RGS22: variants seen among roughly 807,000 people sequenced by gnomAD.
RGS22 encodes regulator of G protein signaling 22, also known as regulator of G-protein signaling 22.
RGS22 carries 148 observed loss-of-function variants against 172.9 expected under a neutral mutation model. That is an observed-to-expected ratio of 0.86 (90% CI 0.75 to 0.98). The LOEUF is 0.98. Among genes scored for constraint, RGS22 ranks in the 50% least tolerant of loss-of-function variants. The probability of loss-of-function intolerance (pLI) is 0.00; values close to 1 mark genes in which losing one functional copy is unlikely to be tolerated. For synonymous variants in RGS22, 458 were observed against 480.2 expected (o/e 0.95, Z 0.60); for missense variants, 1,347 against 1,440.8 (o/e 0.93, Z 1.05).
At chr8:100,091,053 C>T (rs1386327524) in intron 3 of RGS22, among the ~76,000 whole-genome samples, 1 of 152,128 alleles carries the variant, frequency 6.6e-6, no homozygotes, top group Non-Finnish European at 1.5e-5. Flanking sequence ...CATACTTACT[C>T]TCAGTAAACC....
At chr8:100,041,369 T>C (rs1820092030) in intron 12 of RGS22, among the ~76,000 whole-genome samples, 1 of 151,914 alleles carries the variant, frequency 6.6e-6, no homozygotes, top group South Asian at 2.1e-4. Context: ...TGTGCGCCTG[T>C]AGTCCCAGCT....
At position 100,063,624 on chromosome 8, in the gene RGS22, G is replaced by A; in HGVS notation, c.1144C>T (p.Gln382Ter). 1 of 1,614,038 alleles carries A rather than the reference G, an allele frequency of 6.2e-7. No homozygotes were observed. Among genetic ancestry groups the A allele is most frequent in the Non-Finnish European group, 8.5e-7 (1 of 1,179,994 alleles). ...TCATTCTTTGAACTTAAACTTGTTT[G>A]TTCTATCTCTTCTGACCTCTCCTTT... ...TTKERSEEIE[Q>*]TSLSSKNESA... is the part of the protein sequence containing the mutation. Residue 382 changes from glutamine (Q) to a stop codon, truncating the protein, a stop_gained, in exon 8 of 28, where the codon CAA becomes TAA. Coordinates refer to ENST00000360863, the MANE Select transcript of RGS22 (RefSeq NM_015668.5). LOFTEE classifies it high-confidence loss of function.
In RGS22 at chr8:100,021,072, G is replaced by A. The variant is rs551175945; in HGVS notation, c.2167-12503C>T. On this transcript the variant is annotated intron_variant, in intron 14 of 27. Coordinates refer to ENST00000360863, the MANE Select transcript of RGS22 (RefSeq NM_015668.5). ...TTTCTCATCATAGCACTGATTATAA[G>A]GCAAATATACTTCTCTTCCTATCAT... is the stretch of plus-strand genomic sequence containing the variant. 3.4e-4 allele frequency among the ~76,000 whole-genome samples: 52 copies of A among 152,244 alleles called. No individual in the cohort carries two copies. The South Asian group carries it at 0.01, about 30-fold the overall frequency.
At position 100,101,318 on chromosome 8, in the gene RGS22, G is replaced by A. The variant is rs185968606; in HGVS notation, c.54+4056C>T. 3.2e-3 allele frequency among the ~76,000 whole-genome samples: 478 copies of A among 147,964 alleles called. 2 individuals carry two copies. The highest frequency in any genetic ancestry group is 0.011 in the African/African-American group (450 of 40,052). On this transcript the variant is annotated intron_variant, in intron 2 of 27. Coordinates refer to ENST00000360863, the MANE Select transcript of RGS22 (RefSeq NM_015668.5). The stretch of plus-strand genomic sequence containing the variant: ...TTTTTTTTTTTTGAGATGGAGTCTC[G>A]CTCTGTTGCCCAGGCTGGAGTGTGG...
At chr8:100,019,886 T>C (rs974765984) in intron 14 of RGS22, among the ~76,000 whole-genome samples, 1 of 151,420 alleles carries the variant, frequency 6.6e-6, no homozygotes, top group Non-Finnish European at 1.5e-5. Flanking sequence ...GCAAAAAAAG[T>C]ACTTTTTTTT....
At chr8:100,101,443 A>AT (rs57644659) in intron 2 of RGS22, among the ~76,000 whole-genome samples, 1,192 of 116,704 alleles carry the variant, frequency 0.01, 12 homozygotes, top group African/African-American at 0.024. Flanking sequence ...TGCCCAGCTA[A>AT]TTTTTTTTTT....
At chr8:100,083,830 C>CTTTTTT (rs59603032) in intron 3 of RGS22, among the ~76,000 whole-genome samples, 494 of 125,584 alleles carry the variant, frequency 3.9e-3, no homozygotes, top group African/African-American at 0.01. Context: ...AATTTCTTTT[C>CTTTTTT]TTTTTTTTTT....
intron 9 of RGS22, among the ~76,000 whole-genome samples, chr8:100,056,783 CG>C (rs1264924413): frequency 6.6e-6 from 1 of 152,154 alleles, no homozygotes; most frequent in Non-Finnish European, 1.5e-5. Flanking sequence ...GCTGCAGGGG[CG>C]GGGCACTCAT....
At position 100,008,580 on chromosome 8, in the gene RGS22, A is replaced by G; in HGVS notation, c.2167-11T>C. On this transcript the variant is annotated splice_polypyrimidine_tract_variant and intron_variant, in intron 14 of 27. Transcript: ENST00000360863. ...TGTGGCAAAAAGATACTGAAGGAGA[A>G]GAGGGAAGAAGGGAGAAGATGTTAA... 6.3e-7 allele frequency: 1 copy of G among 1,596,630 alleles called. No homozygotes were observed. Among genetic ancestry groups the G allele is most frequent in the Non-Finnish European group, 8.5e-7 (1 of 1,171,304 alleles).
At chr8:99,968,905 A>G (rs1387419239) in intron 23 of RGS22, among the ~76,000 whole-genome samples, 1 of 152,140 alleles carries the variant, frequency 6.6e-6, no homozygotes, top group African/African-American at 2.4e-5. Flanking sequence ...CCTCGAGAAG[A>G]GCAACCCCAA....
intron 23 of RGS22, among the ~76,000 whole-genome samples, chr8:99,977,675 G>A (rs772427044): frequency 1.9e-4 from 29 of 152,062 alleles, no homozygotes; most frequent in Admixed American, 5.9e-4. Flanking sequence ...TTATTGCAGC[G>A]GATGCAAGCT....
At chr8:100,063,010 T>C (rs1224090468) in intron 8 of RGS22, among the ~76,000 whole-genome samples, 1 of 152,196 alleles carries the variant, frequency 6.6e-6, no homozygotes, top group Non-Finnish European at 1.5e-5. Flanking sequence ...ACCAAGGTTA[T>C]GGAATTTGTT....
chr8:100,006,057 AG>A lies in RGS22; in HGVS notation c.2413del (p.Leu805TyrfsTer87), dbSNP rs1265615760. 6.2e-7 allele frequency: 1 copy of A among 1,613,568 alleles called. No homozygotes were observed. Among genetic ancestry groups the A allele is most frequent in the South Asian group, 1.1e-5 (1 of 90,996 alleles). Reference protein sequence around the residue: ...RQLDSTYFRKLQALHKETFSK... With the variant: ...RQLDSTYFRKXQALHKETFSK... ...AAATGTCTCTTTATGCAAAGCCTGT[AG>A]CTTTCTGAAGTATGTGGAGTCTAAC... On this transcript the variant is annotated frameshift_variant, in exon 16 of 28. Coordinates refer to ENST00000360863, the MANE Select transcript of RGS22 (RefSeq NM_015668.5). LOFTEE classifies it high-confidence loss of function.
chr8:99,977,365 C>T (rs557245883), intron 23 of RGS22, among the ~76,000 whole-genome samples: 79 of 150,576 alleles, frequency 5.2e-4, no homozygotes, highest in African/African-American at 1.8e-3. Flanking sequence ...TCAGGCAATC[C>T]GCCCGTCTCG....
intron 2 of RGS22, among the ~76,000 whole-genome samples, chr8:100,095,231 T>G (rs183644739): frequency 6.6e-6 from 1 of 152,336 alleles, no homozygotes; most frequent in African/African-American, 2.4e-5. Context: ...TCACCCAGGC[T>G]GGAGTGCAGT....
intron 14 of RGS22, among the ~76,000 whole-genome samples, chr8:100,019,241 C>A (rs2131442949): frequency 6.6e-6 from 1 of 152,360 alleles, no homozygotes; most frequent in African/African-American, 2.4e-5. Context: ...AGAACAATTT[C>A]TCTGCAGCCT....
chr8:100,027,245 AAGAG>A (rs966661754), intron 14 of RGS22, among the ~76,000 whole-genome samples: 1 of 152,108 alleles, frequency 6.6e-6, no homozygotes, highest in Admixed American at 6.6e-5. Flanking sequence ...TCAAAAAAAA[AAGAG>A]AGAGACATTA....
chr8:99,965,474 A>C (rs2131086038), intron 23 of RGS22, 44 bp from the exon 24 acceptor site: 1 of 1,329,450 alleles, frequency 7.5e-7, no homozygotes, highest in South Asian at 1.3e-5. Flanking sequence ...AAAGATAATG[A>C]TATGTTAATA....
intron 24 of RGS22, 110 bp downstream of exon 24, chr8:99,965,225 C>T: frequency 3.4e-6 from 2 of 595,800 alleles, no homozygotes; most frequent in South Asian, 3.4e-5. Context: ...TAATTGTAGG[C>T]TTATTTTCAA....
Sources: gnomAD v4.1 joint callset for allele counts (sites outside exome capture counted in the v4.1 genomes callset) on GRCh38, gnomAD v4.1.1 for gene constraint, MANE v1.5 for transcripts, NCBI Gene and HGNC (gene_info 2026-07-23, HGNC 2026-07-21) for gene names.